CDH13: variants seen among roughly 807,000 people sequenced by gnomAD.
CDH13 encodes cadherin-13.
A neutral mutation model predicts 63.8 loss-of-function variants in CDH13; 24 were observed. The ratio of observed to expected loss-of-function variants is 0.38; its 90% CI spans 0.27 to 0.53. CDH13 has a LOEUF of 0.53. Ranked by LOEUF, CDH13 falls within the 20% of genes least tolerant of loss-of-function variation. CDH13 has a pLI of 0.85. For synonymous variants in CDH13, 503 were observed against 355.3 expected, an observed-to-expected ratio of 1.42 and a Z score of -4.67; for missense variants, 1,049 against 903.1, an observed-to-expected ratio of 1.16 and a Z score of -2.07.
At chr16:83,646,085 C>T (rs1911764929) in intron 8 of CDH13, among the ~76,000 whole-genome samples, 1 of 152,144 alleles carries the variant, frequency 6.6e-6, no homozygotes, top group Non-Finnish European at 1.5e-5. Flanking sequence ...TACTGATGCT[C>T]TCCCACTGGG....
intron 2 of CDH13, among the ~76,000 whole-genome samples, chr16:82,895,802 T>G (rs2041235638): frequency 6.6e-6 from 1 of 152,024 alleles, no homozygotes; most frequent in East Asian, 1.9e-4. Context: ...CTCAGGAGCT[T>G]GAACACGTCC....
chr16:83,106,544 C>A lies in CDH13; in HGVS notation c.367-18841C>A, dbSNP rs7205046. Among the ~76,000 whole-genome samples the A allele has an allele frequency of 1.0e-3, 155 of 151,992 alleles. 1 individual carries two copies. The highest frequency in any genetic ancestry group is 3.4e-3 in the African/African-American group (140 of 41,452). On this transcript the variant is annotated intron_variant, in intron 3 of 13. Coordinates refer to ENST00000567109, the MANE Select transcript of CDH13 (RefSeq NM_001257.5). ...CGACAAGGCGAGACTCCACCTCAAA[C>A]AAAACAAAACAAAACAATACAAAAC...
intron 4 of CDH13, among the ~76,000 whole-genome samples, chr16:83,204,526 C>T (rs2039126083): frequency 6.6e-6 from 1 of 152,114 alleles, no homozygotes; most frequent in African/African-American, 2.4e-5. Flanking sequence ...TGAGCCTTTC[C>T]ATTATTTTCC....
chr16:83,637,027 T>C (rs921767796), intron 8 of CDH13, among the ~76,000 whole-genome samples: 1 of 152,212 alleles, frequency 6.6e-6, no homozygotes, highest in Admixed American at 6.6e-5. Context: ...TGAGCATTTT[T>C]TCATTTGTGA....
chr16:83,078,391 G>A (rs7499448), intron 3 of CDH13, among the ~76,000 whole-genome samples: 80,664 of 152,006 alleles, frequency 0.53, 22,203 homozygotes, highest in African/African-American at 0.69. Flanking sequence ...ATAATCAGGC[G>A]TTTGTTAGAT....
chr16:83,014,360 A>G (rs2151440814), intron 2 of CDH13, among the ~76,000 whole-genome samples: 1 of 151,364 alleles, frequency 6.6e-6, no homozygotes, highest in Non-Finnish European at 1.5e-5. Context: ...ATCTAACTAA[A>G]TTTTAACTGA....
intron 1 of CDH13, chr16:82,719,598 C>A: frequency 2.8e-6 from 1 of 353,960 alleles, no homozygotes; most frequent in Non-Finnish European, 5.6e-6. Context: ...GTAATCCCAG[C>A]ACTTTGACAA....
chr16:83,301,363 G>C (rs1171780430), intron 5 of CDH13, among the ~76,000 whole-genome samples: 1 of 152,020 alleles, frequency 6.6e-6, no homozygotes, highest in East Asian at 1.9e-4. Flanking sequence ...TATTTCCCCA[G>C]TACATTTATC....
chr16:83,144,891 C>T (rs2036681551), intron 4 of CDH13, among the ~76,000 whole-genome samples: 1 of 152,180 alleles, frequency 6.6e-6, no homozygotes, highest in Non-Finnish European at 1.5e-5. Context: ...AGCCTCCTTT[C>T]CCTGGGCTGC....
intron 2 of CDH13, among the ~76,000 whole-genome samples, chr16:82,963,496 C>G (rs1948878542): frequency 6.6e-6 from 1 of 152,218 alleles, no homozygotes. Context: ...CACATCCTCA[C>G]ACACTCCCCT....
chr16:83,499,890 C>T lies in CDH13; in HGVS notation c.960+13235C>T, dbSNP rs541280097. ...CGATCTCAGCTCACTGCAATCTCCA[C>T]CTCCCGGGTTCAAGCAATTCTTCTG... On this transcript the variant is annotated intron_variant, in intron 7 of 13. Coordinates refer to ENST00000567109, the MANE Select transcript of CDH13 (RefSeq NM_001257.5). Among the ~76,000 whole-genome samples the T allele has an allele frequency of 2.2e-4, 34 of 152,262 alleles. No homozygotes were observed. The South Asian group carries it at 5.6e-3, about 25-fold the overall frequency.
rs182047954 is a variant in CDH13, at chr16:82,865,842, T to G, written c.157+7369T>G. 1.2e-4 allele frequency among the ~76,000 whole-genome samples: 18 copies of G among 152,370 alleles called. No individual in the cohort carries two copies. In the East Asian group the frequency reaches 2.7e-3, roughly 23 times the overall value. ...TTCTATTTCATCTTCAGGCTGCAAA[T>G]TTTCCAAACTTTTATGCTGTGCTTC... On this transcript the variant is annotated intron_variant, in intron 2 of 13. Transcript: ENST00000567109.
intron 1 of CDH13, among the ~76,000 whole-genome samples, chr16:82,797,391 C>A (rs1356342169): frequency 6.6e-6 from 1 of 152,156 alleles, no homozygotes; most frequent in East Asian, 1.9e-4. Context: ...GAGCCCTGGA[C>A]CAAAGGACTC....
At chr16:83,675,083 A>G (rs530320131) in intron 9 of CDH13, among the ~76,000 whole-genome samples, 7 of 152,326 alleles carry the variant, frequency 4.6e-5, no homozygotes, top group African/African-American at 1.4e-4. Context: ...TTGAAAAAAT[A>G]TTAATTGAAT....
chr16:83,025,834 T>G (rs1400505169), intron 2 of CDH13, among the ~76,000 whole-genome samples: 1 of 152,160 alleles, frequency 6.6e-6, no homozygotes, highest in African/African-American at 2.4e-5. Flanking sequence ...GAGTTTATAA[T>G]GTAAGGTCCT....
intron 1 of CDH13, among the ~76,000 whole-genome samples, chr16:82,789,997 T>C (rs1421661196): frequency 2.6e-5 from 4 of 152,160 alleles, no homozygotes; most frequent in African/African-American, 9.7e-5. Flanking sequence ...ATTTCTTCTT[T>C]AGCTTCTGCT....
chr16:83,338,949 A>G (rs1426314985), intron 5 of CDH13, among the ~76,000 whole-genome samples: 4 of 152,198 alleles, frequency 2.6e-5, no homozygotes, highest in South Asian at 2.1e-4. Context: ...AAGGTATCCA[A>G]TAGAGGGTGA....
intron 3 of CDH13, among the ~76,000 whole-genome samples, chr16:83,086,270 T>G (rs1389992074): frequency 6.6e-6 from 1 of 152,214 alleles, no homozygotes; most frequent in East Asian, 1.9e-4. Flanking sequence ...AGAAAAATAT[T>G]AAGCCTAGAC....
chr16:83,533,817 C>T (rs192811198), intron 7 of CDH13, among the ~76,000 whole-genome samples: 19 of 151,988 alleles, frequency 1.3e-4, no homozygotes, highest in East Asian at 5.8e-4. Context: ...GATGGGATTT[C>T]GCCATGTTGC....
Sources: allele counts gnomAD v4.1 joint callset (sites outside exome capture counted in the v4.1 genomes callset), GRCh38; gene constraint gnomAD v4.1.1; transcripts MANE v1.5; gene names NCBI Gene and HGNC (gene_info 2026-07-23, HGNC 2026-07-21).